The following BANP variants were observed in gnomAD, a reference collection of about 807,000 sequenced individuals.
BANP encodes the protein BTG3 associated nuclear protein.
A neutral mutation model predicts 68.1 loss-of-function variants in BANP; 11 were observed. The ratio of observed to expected loss-of-function variants is 0.16; its 90% CI spans 0.10 to 0.27. BANP has a LOEUF of 0.27. BANP is among the 10% of genes least tolerant of loss of function. The probability of loss-of-function intolerance (pLI) is 1.00; values close to 1 mark genes in which losing one functional copy is unlikely to be tolerated. For synonymous variants in BANP, 329 were observed against 303.2 expected (o/e 1.09, Z -0.88); for missense variants, 504 against 722.7 (o/e 0.70, Z 3.47).
At chr16:88,027,889 T>C (rs1032053139) in intron 8 of BANP, among the ~76,000 whole-genome samples, 3 of 152,364 alleles carry the variant, frequency 2.0e-5, no homozygotes, top group African/African-American at 7.2e-5. Flanking sequence ...ACAGAGGGCC[T>C]GTTGGGCCTC....
intron 4 of BANP, among the ~76,000 whole-genome samples, chr16:87,996,683 G>A (rs958872876): frequency 2.6e-5 from 4 of 151,582 alleles, no homozygotes. Flanking sequence ...CTGGGCCCTC[G>A]TCCTGGGCGC....
intron 4 of BANP, among the ~76,000 whole-genome samples, chr16:87,996,727 G>A (rs1370025125): frequency 2.0e-5 from 3 of 152,208 alleles, no homozygotes; most frequent in East Asian, 1.9e-4. Context: ...TTGCCCTCCC[G>A]TCCTTCCCTC....
chr16:88,035,003 G>T, intron 9 of BANP: 4 of 285,174 alleles, frequency 1.4e-5, no homozygotes, highest in Non-Finnish European at 2.0e-5. Context: ...TCGTTCCTTT[G>T]TCCAGCATGT....
chr16:88,027,059 G>T (rs933688207), intron 7 of BANP, among the ~76,000 whole-genome samples: 2 of 152,248 alleles, frequency 1.3e-5, no homozygotes, highest in Non-Finnish European at 1.5e-5. Flanking sequence ...GGACCAGCGA[G>T]TTCTGATCCA....
In BANP at chr16:87,983,064, C is replaced by T. The variant is rs193270766; in HGVS notation, c.163-996C>T. Among the ~76,000 whole-genome samples, 1,210 of 152,178 alleles carry T rather than the reference C, an allele frequency of 8.0e-3. 16 individuals are homozygous for T. The highest frequency in any genetic ancestry group is 0.027 in the African/African-American group (1,111 of 41,532). Reference sequence around the variant, plus strand: ...TGCCTCAGTGCCACCCCTGCTGTCTCGAGCCTACCTCCCCCTTCCTTCTGA... The same window carrying T: ...TGCCTCAGTGCCACCCCTGCTGTCTTGAGCCTACCTCCCCCTTCCTTCTGA... On this transcript the variant is annotated intron_variant, in intron 3 of 13. Transcript: ENST00000682872.
At chr16:88,067,879 G>A (rs12926223) in intron 12 of BANP, among the ~76,000 whole-genome samples, 4 of 152,318 alleles carry the variant, frequency 2.6e-5, no homozygotes, top group Admixed American at 2.6e-4. Flanking sequence ...GATGCTCCCG[G>A]CTGAGCCTTG....
At chr16:88,014,344 G>A (rs1263490860) in intron 6 of BANP, among the ~76,000 whole-genome samples, 5 of 152,008 alleles carry the variant, frequency 3.3e-5, no homozygotes, top group Non-Finnish European at 5.9e-5. Context: ...CGGCTGCCCC[G>A]ACACTGCCTT....
At chr16:87,994,113 C>G (rs377748111) in intron 4 of BANP, among the ~76,000 whole-genome samples, 5 of 150,608 alleles carry the variant, frequency 3.3e-5, no homozygotes, top group African/African-American at 1.3e-4. Flanking sequence ...CGGCGGTGTG[C>G]TGCGGTGCAC....
intron 2 of BANP, chr16:87,978,633 C>T (rs2062653587): frequency 4.3e-6 from 2 of 470,078 alleles, no homozygotes. Context: ...GAAGGCATAG[C>T]CGTGTGCTGT....
chr16:88,046,586 C>T (rs2082073675), intron 11 of BANP, among the ~76,000 whole-genome samples: 1 of 151,770 alleles, frequency 6.6e-6, no homozygotes, highest in Admixed American at 6.6e-5. Context: ...TGCTCTGTTG[C>T]CCAGGCTGGA....
rs28613386 is a variant in BANP at position 87,957,942 on chromosome 16, C to A, written c.-69+6427C>A. 2.9e-3 allele frequency among the ~76,000 whole-genome samples: 438 copies of A among 151,906 alleles called. 3 individuals are homozygous for A. Among genetic ancestry groups the A allele is most frequent in the African/African-American group, 1.0e-2 (412 of 41,392 alleles). On this transcript the variant is annotated intron_variant, in intron 1 of 13. Coordinates refer to ENST00000682872, the MANE Select transcript of BANP (RefSeq NM_001386991.1). The surrounding 1 kb of genome is among the most constrained non-coding windows in gnomAD (Gnocchi z 4.3). ...TGTCGGTGGGAGCTGGCGGTGGGTCCCTGAGCAGAGTGCTGCCGCTGCCAG... is the reference window on the plus strand; with the variant it reads ...TGTCGGTGGGAGCTGGCGGTGGGTCACTGAGCAGAGTGCTGCCGCTGCCAG...
In BANP at chr16:88,018,707, G is replaced by A. The variant is rs1445632010; in HGVS notation, c.895+40G>A. 6.5e-7 allele frequency: 1 copy of A among 1,536,698 alleles called. No homozygotes were observed. On this transcript the variant is annotated intron_variant, in intron 7 of 13. Transcript: ENST00000682872. This position sits in a 1 kb window ranked among gnomAD's most constrained non-coding sequence, Gnocchi z 7.7. Reference sequence around the variant, plus strand: ...GCCTTGGGGGACTGGGGTGTGCGGGGAGCTGGGTCAGGACCCACATTTCAA... The same window carrying A: ...GCCTTGGGGGACTGGGGTGTGCGGGAAGCTGGGTCAGGACCCACATTTCAA...
In BANP at chr16:87,975,087, G is replaced by A. The variant is rs199627706; in HGVS notation, c.-29G>A. On this transcript the variant is annotated 5_prime_UTR_variant, in exon 2 of 14. The change creates a new upstream start codon in the 5' untranslated region. Transcript: ENST00000682872. Reference sequence around the variant, plus strand: ...GCCCCACTGTGAGTTGAACTCTTTCGTGTTGACCGGCCACTCTCCGTGCTC... The same window carrying A: ...GCCCCACTGTGAGTTGAACTCTTTCATGTTGACCGGCCACTCTCCGTGCTC... 44 of 1,592,382 alleles carry A rather than the reference G, an allele frequency of 2.8e-5. No individual in the cohort carries two copies. In the East Asian group the frequency reaches 5.6e-4, roughly 20 times the overall value.
intron 7 of BANP, among the ~76,000 whole-genome samples, chr16:88,026,619 G>A (rs1406109684): frequency 6.6e-6 from 1 of 151,894 alleles, no homozygotes; most frequent in Admixed American, 6.6e-5. Context: ...GGGGAACAGA[G>A]TAACAATACA....
chr16:88,011,036 G>T (rs1434069382), intron 6 of BANP, among the ~76,000 whole-genome samples: 9 of 152,256 alleles, frequency 5.9e-5, no homozygotes, highest in Admixed American at 5.9e-4. Flanking sequence ...TAGGATTGCA[G>T]AGAGATGAGT....
At chr16:87,988,230 C>A (rs1238252790) in intron 4 of BANP, among the ~76,000 whole-genome samples, 1 of 152,170 alleles carries the variant, frequency 6.6e-6, no homozygotes, top group African/African-American at 2.4e-5. Context: ...GATTAGCATT[C>A]TGAATAATAA....
chr16:87,989,016 G>GT (rs2065196920), intron 4 of BANP, among the ~76,000 whole-genome samples: 1 of 152,346 alleles, frequency 6.6e-6, no homozygotes, highest in African/African-American at 2.4e-5. Context: ...CAAGAAGGCA[G>GT]TGGAGTACTG....
intron 12 of BANP, among the ~76,000 whole-genome samples, chr16:88,066,736 T>C (rs2088729515): frequency 6.6e-6 from 1 of 152,250 alleles, no homozygotes. Context: ...TGTTCAGTTT[T>C]TTTTTCCCCC....
chr16:88,052,943 C>T (rs1176341379), intron 11 of BANP, among the ~76,000 whole-genome samples: 1 of 151,702 alleles, frequency 6.6e-6, no homozygotes, highest in Non-Finnish European at 1.5e-5. Context: ...ACTACCATCA[C>T]CACCTTCACC....
Sources: allele counts gnomAD v4.1 joint callset (sites outside exome capture counted in the v4.1 genomes callset), GRCh38; gene constraint gnomAD v4.1.1; non-coding constraint Gnocchi (gnomAD v3.1); transcripts MANE v1.5; gene names NCBI Gene and HGNC (gene_info 2026-07-23, HGNC 2026-07-21).